Variants in CDH13 observed in about 807,000 individuals in gnomAD.
CDH13 encodes cadherin-13.
Under a neutral mutation model 63.8 loss-of-function variants are expected in CDH13, and 24 were observed. That is an observed-to-expected ratio of 0.38 (90% confidence interval 0.27 to 0.53). The LOEUF is 0.53. Among genes scored for constraint, CDH13 ranks in the 20% least tolerant of loss-of-function variants. The pLI, the probability that CDH13 is intolerant of heterozygous loss-of-function variation, is 0.85. For synonymous variants in CDH13, 503 were observed against 355.3 expected, an observed-to-expected ratio of 1.42 and a Z score of -4.67; for missense variants, 1,049 against 903.1, an observed-to-expected ratio of 1.16 and a Z score of -2.07.
intron 1 of CDH13, among the ~76,000 whole-genome samples, chr16:82,752,574 A>C (rs942208228): frequency 1.3e-5 from 2 of 152,242 alleles, no homozygotes; most frequent in East Asian, 1.9e-4. Flanking sequence ...AAAATGTCCA[A>C]TTCTCAGTTG....
In CDH13 at chr16:83,706,452, A is replaced by G. The variant is rs116872632; in HGVS notation, c.1538+27991A>G. Among the ~76,000 whole-genome samples, 277 of 152,346 alleles carry G rather than the reference A, an allele frequency of 1.8e-3. 2 individuals carry two copies. Among genetic ancestry groups the G allele is most frequent in the Non-Finnish European group, 2.8e-3 (189 of 68,028 alleles). ...AGCATGGCCATTTTTGGAAAATGCT[A>G]TAGAGCCAAAGTCTGCATGAAGAGA... is the stretch of plus-strand genomic sequence containing the variant. On this transcript the variant is annotated intron_variant, in intron 10 of 13. Transcript: ENST00000567109.
chr16:82,932,410 A>G (rs1047389783), intron 2 of CDH13, among the ~76,000 whole-genome samples: 3 of 152,262 alleles, frequency 2.0e-5, no homozygotes, highest in Non-Finnish European at 4.4e-5. Context: ...TTATTTTTGA[A>G]GAGTCATGTG....
At chr16:83,162,591 G>A (rs1167775939) in intron 4 of CDH13, among the ~76,000 whole-genome samples, 1 of 150,698 alleles carries the variant, frequency 6.6e-6, no homozygotes, top group African/African-American at 2.4e-5. Flanking sequence ...CAGTCAGAGG[G>A]GAATCAGGGC....
At chr16:83,760,830 A>G (rs529772670) in intron 11 of CDH13, among the ~76,000 whole-genome samples, 1 of 152,354 alleles carries the variant, frequency 6.6e-6, no homozygotes, top group African/African-American at 2.4e-5. Context: ...TCCTGTAACC[A>G]TTCACATATT....
intron 6 of CDH13, among the ~76,000 whole-genome samples, chr16:83,431,817 G>C (rs1044083278): frequency 6.6e-6 from 1 of 152,072 alleles, no homozygotes; most frequent in African/African-American, 2.4e-5. Context: ...ATCGCCTCCC[G>C]CCAGGCCCCA....
At chr16:82,912,162 ACTC>A (rs2041851601) in intron 2 of CDH13, among the ~76,000 whole-genome samples, 1 of 149,002 alleles carries the variant, frequency 6.7e-6, no homozygotes, top group Non-Finnish European at 1.5e-5. Context: ...TCTCCAGCCC[ACTC>A]CTCCTCCCTC....
chr16:83,721,959 G>T (rs1909754771), intron 10 of CDH13: 2 of 152,302 alleles, frequency 1.3e-5, no homozygotes, highest in Non-Finnish European at 2.9e-5. Flanking sequence ...CTGCACCCTG[G>T]AGCCAAGCTA....
At chr16:83,623,040 G>T (rs1274735973) in intron 8 of CDH13, among the ~76,000 whole-genome samples, 1 of 152,188 alleles carries the variant, frequency 6.6e-6, no homozygotes, top group Non-Finnish European at 1.5e-5. Flanking sequence ...AGTCTGGGAA[G>T]GTCAGCTCAT....
intron 4 of CDH13, among the ~76,000 whole-genome samples, chr16:83,214,929 C>T (rs2039451877): frequency 6.6e-6 from 1 of 152,022 alleles, no homozygotes; most frequent in Non-Finnish European, 1.5e-5. Context: ...CACAGGGATC[C>T]AATGGTGAGC....
chr16:83,646,692 CAAAAAA>C (rs199756336), intron 8 of CDH13, among the ~76,000 whole-genome samples: 1,668 of 72,678 alleles, frequency 0.023, 81 homozygotes, highest in African/African-American at 0.072. Context: ...GACTCCGTCT[CAAAAAA>C]AAAAAAAAAA....
chr16:83,613,516 T>C (rs569960032), intron 8 of CDH13, among the ~76,000 whole-genome samples: 60 of 152,306 alleles, frequency 3.9e-4, no homozygotes, highest in African/African-American at 1.4e-3. Context: ...TTCTGTCTAA[T>C]CTACTATACC....
At chr16:83,771,883 C>G (rs1042401386) in intron 11 of CDH13, among the ~76,000 whole-genome samples, 1 of 152,168 alleles carries the variant, frequency 6.6e-6, no homozygotes, top group Admixed American at 6.5e-5. Context: ...AAAAATATCT[C>G]CTTACATCCC....
chr16:83,728,575 G>A (rs1910697935), intron 10 of CDH13, among the ~76,000 whole-genome samples: 1 of 152,126 alleles, frequency 6.6e-6, no homozygotes. Flanking sequence ...TTTACCAAGT[G>A]CCAATGGAAG....
intron 8 of CDH13, among the ~76,000 whole-genome samples, chr16:83,630,202 T>G (rs1910655017): frequency 6.6e-6 from 1 of 152,208 alleles, no homozygotes; most frequent in Non-Finnish European, 1.5e-5. Flanking sequence ...CTGGGTTATT[T>G]TTCAGTATGA....
chr16:83,256,500 G>T (rs1906277030), intron 5 of CDH13, among the ~76,000 whole-genome samples: 1 of 151,740 alleles, frequency 6.6e-6, no homozygotes, highest in African/African-American at 2.4e-5. Flanking sequence ...AAATTTCCTA[G>T]GCACCTCCAA....
At chr16:83,311,367 G>C (rs1476471394) in intron 5 of CDH13, among the ~76,000 whole-genome samples, 1 of 151,962 alleles carries the variant, frequency 6.6e-6, no homozygotes, top group Non-Finnish European at 1.5e-5. Context: ...TTATATTTTT[G>C]TGTATACCAG....
In CDH13 at chr16:83,031,905, G is replaced by T. The variant is rs147586379; in HGVS notation, c.158-105G>T. The stretch of plus-strand genomic sequence containing the variant: ...TAAAACGTAACATTTGTGAACTCTG[G>T]GTTGGGAAACTATGTGGTAATTCAC... On this transcript the variant is annotated intron_variant, in intron 2 of 13. Coordinates refer to ENST00000567109, the MANE Select transcript of CDH13 (RefSeq NM_001257.5). 4.8e-4 allele frequency: 422 copies of T among 875,670 alleles called. 3 individuals are homozygous for T. The African/African-American group carries it at 6.5e-3, about 14-fold the overall frequency. The allele number at this position is 875,670 out of a possible 1,614,324, so 54.2% of individuals were successfully genotyped here.
intron 4 of CDH13, among the ~76,000 whole-genome samples, chr16:83,162,129 G>T (rs1214890846): frequency 2.0e-5 from 3 of 152,140 alleles, no homozygotes; most frequent in Non-Finnish European, 4.4e-5. Context: ...CATGCCTGGT[G>T]CTTCCTTAGC....
At chr16:83,556,894 G>A (rs892113630) in intron 7 of CDH13, among the ~76,000 whole-genome samples, 3 of 152,194 alleles carry the variant, frequency 2.0e-5, no homozygotes, top group African/African-American at 7.2e-5. Flanking sequence ...CTCCATCCCT[G>A]TGCCTCTGTC....
Sources: allele counts gnomAD v4.1 joint callset (sites outside exome capture counted in the v4.1 genomes callset), GRCh38; gene constraint gnomAD v4.1.1; transcripts MANE v1.5; gene names NCBI Gene and HGNC (gene_info 2026-07-23, HGNC 2026-07-21).